Variants in FTCDNL1 observed in about 807,000 individuals in gnomAD.
FTCDNL1 encodes the protein formiminotransferase cyclodeaminase N-terminal like, also known as formiminotransferase N-terminal subdomain-containing protein.
In FTCDNL1, 11 loss-of-function variants were observed where a neutral mutation model predicts 5.9. The observed-to-expected ratio is 1.87, with a 90% CI of 1.18 to 3.10. The LOEUF is 3.10. Ranked by LOEUF, FTCDNL1 falls within the 30% of genes most tolerant of loss-of-function variation. FTCDNL1 has a pLI of 0.00. For missense variants in FTCDNL1, 115 were observed against 65.5 expected (o/e 1.76, Z -2.61); for synonymous variants, 58 against 24.8 (o/e 2.34, Z -3.99).
At chr2:199,821,866 C>A (rs1701713466) in intron 3 of FTCDNL1, among the ~76,000 whole-genome samples, 1 of 152,132 alleles carries the variant, frequency 6.6e-6, no homozygotes, top group South Asian at 2.1e-4. Flanking sequence ...TTATTTTAGC[C>A]CTAAGTGATT....
the FTCDNL1 span, among the ~76,000 whole-genome samples, chr2:199,706,490 G>A: frequency 1.9e-3 from 283 of 152,154 alleles, no homozygotes; most frequent in Non-Finnish European, 2.9e-3. Context: ...AATGCCAACC[G>A]GTTAAACCAT....
At chr2:199,749,132 T>C in the FTCDNL1 span, among the ~76,000 whole-genome samples, 1 of 152,186 alleles carries the variant, frequency 6.6e-6, no homozygotes, top group Non-Finnish European at 1.5e-5. Flanking sequence ...AGCCTCATCT[T>C]AGATATTGTC....
At chr2:199,724,017 G>A in the FTCDNL1 span, among the ~76,000 whole-genome samples, 11 of 151,980 alleles carry the variant, frequency 7.2e-5, no homozygotes, top group African/African-American at 9.7e-5. Flanking sequence ...CTGGTCCTGG[G>A]CTTTTTTTGG....
the FTCDNL1 span, among the ~76,000 whole-genome samples, chr2:199,672,038 T>G: frequency 2.6e-5 from 4 of 152,170 alleles, no homozygotes; most frequent in Admixed American, 6.5e-5. Context: ...ACAGAAAAGA[T>G]GATATGCTAT....
the FTCDNL1 span, among the ~76,000 whole-genome samples, chr2:199,709,585 C>T: frequency 6.6e-6 from 1 of 151,974 alleles, no homozygotes. Flanking sequence ...GTATTGAAAA[C>T]CAAGTGAGGA....
At chr2:199,681,381 G>A in the FTCDNL1 span, among the ~76,000 whole-genome samples, 26 of 152,278 alleles carry the variant, frequency 1.7e-4, no homozygotes, top group African/African-American at 5.3e-4. Context: ...GCTTGAACCC[G>A]GGAGGCGGAG....
chr2:199,718,257 C>T, the FTCDNL1 span, among the ~76,000 whole-genome samples: 10 of 152,094 alleles, frequency 6.6e-5, no homozygotes, highest in African/African-American at 9.7e-5. Flanking sequence ...TCCACTATTC[C>T]GCTCTGAATG....
At chr2:199,719,889 A>G in the FTCDNL1 span, among the ~76,000 whole-genome samples, 1 of 152,182 alleles carries the variant, frequency 6.6e-6, no homozygotes, top group Non-Finnish European at 1.5e-5. Context: ...CTTCCAATCC[A>G]TGAGCATGAA....
At chr2:199,670,909 A>G in the FTCDNL1 span, among the ~76,000 whole-genome samples, 1 of 152,180 alleles carries the variant, frequency 6.6e-6, no homozygotes, top group South Asian at 2.1e-4. Context: ...CTCACATGAC[A>G]GTAGCCTTGT....
At chr2:199,819,146 GT>G (rs1255542178) in intron 4 of FTCDNL1, 2 of 158,832 alleles carry the variant, frequency 1.3e-5, no homozygotes, top group African/African-American at 4.8e-5. Flanking sequence ...CTACACTGAT[GT>G]TTAAGTATTG....
At chr2:199,806,641 C>A (rs1476206331), downstream of FTCDNL1, among the ~76,000 whole-genome samples, 1 of 152,074 alleles carries the variant, frequency 6.6e-6, no homozygotes, top group African/African-American at 2.4e-5. Context: ...ATATTACCTC[C>A]CTTTTGTTTT....
chr2:199,749,667 A>G, the FTCDNL1 span, among the ~76,000 whole-genome samples: 1 of 152,194 alleles, frequency 6.6e-6, no homozygotes, highest in East Asian at 1.9e-4. Context: ...AGTCCTCACA[A>G]AAACTCTAGA....
intron 3 of FTCDNL1, among the ~76,000 whole-genome samples, chr2:199,830,829 A>G (rs1191950287): frequency 6.6e-6 from 1 of 152,236 alleles, no homozygotes; most frequent in Non-Finnish European, 1.5e-5. Flanking sequence ...CATGCTGACT[A>G]GAACTGGATG....
chr2:199,744,184 G>A, the FTCDNL1 span, among the ~76,000 whole-genome samples: 1 of 152,238 alleles, frequency 6.6e-6, no homozygotes, highest in African/African-American at 2.4e-5. Flanking sequence ...TGCCCCCTCC[G>A]TGCTGACACC....
intron 3 of FTCDNL1, among the ~76,000 whole-genome samples, chr2:199,799,680 C>T (rs1700346611): frequency 6.6e-6 from 1 of 152,088 alleles, no homozygotes; most frequent in South Asian, 2.1e-4. Context: ...GCATGAATAT[C>T]CCAGCCCCAT....
chr2:199,800,211 G>C (rs1403917747), intron 3 of FTCDNL1, among the ~76,000 whole-genome samples: 1 of 152,116 alleles, frequency 6.6e-6, no homozygotes, highest in African/African-American at 2.4e-5. Context: ...TAAAAGAATA[G>C]ACTTCAGAAA....
At chr2:199,670,757 A>C in the FTCDNL1 span, among the ~76,000 whole-genome samples, 4 of 152,168 alleles carry the variant, frequency 2.6e-5, no homozygotes, top group Non-Finnish European at 5.9e-5. Flanking sequence ...AACATGGCAC[A>C]AGAGACACTA....
chr2:199,771,321 A>G (rs1411816229), intron 3 of FTCDNL1, among the ~76,000 whole-genome samples: 1 of 152,146 alleles, frequency 6.6e-6, no homozygotes, highest in Admixed American at 6.6e-5. Flanking sequence ...ACCCCTTCCC[A>G]TATCAGACAC....
the FTCDNL1 span, among the ~76,000 whole-genome samples, chr2:199,681,387 C>T: frequency 1.3e-5 from 2 of 152,012 alleles, no homozygotes; most frequent in Non-Finnish European, 2.9e-5. Context: ...ACCCGGGAGG[C>T]GGAGGTTGCA....
Sources: gnomAD v4.1 joint callset for allele counts (sites outside exome capture counted in the v4.1 genomes callset) on GRCh38, gnomAD v4.1.1 for gene constraint, MANE v1.5 for transcripts, NCBI Gene and HGNC (gene_info 2026-07-23, HGNC 2026-07-21) for gene names.